Variants in JADE1 observed in about 807,000 individuals in gnomAD.
JADE1 encodes the protein jade family PHD finger 1.
Under a neutral mutation model 81.8 loss-of-function variants are expected in JADE1, and 14 were observed. The ratio of observed to expected loss-of-function variants is 0.17; its 90% CI spans 0.11 to 0.27. The LOEUF is 0.27. Ranked by LOEUF, JADE1 falls within the 10% of genes least tolerant of loss-of-function variation. The pLI is 1.00. For missense variants in JADE1, 690 were observed against 1,047.9 expected (o/e 0.66, Z 4.71); for synonymous variants, 353 against 391.9 (o/e 0.90, Z 1.17).
rs183337131 is a variant in JADE1, at chr4:128,854,869, C to T, written c.697-761C>T. 7.2e-3 allele frequency among the ~76,000 whole-genome samples: 1,103 copies of T among 152,204 alleles called. 9 individuals carry two copies. The highest frequency in any genetic ancestry group is 0.026 in the African/African-American group (1,059 of 41,518). ...ATAGCCTTGATTTCTGCAGTTTATG[C>T]CATCTTGTTTAATTTTGCCATCTTG... On this transcript the variant is annotated intron_variant, in intron 6 of 10. Transcript: ENST00000226319.
chr4:128,855,027 C>T (rs1016745954), intron 6 of JADE1, among the ~76,000 whole-genome samples: 1 of 151,658 alleles, frequency 6.6e-6, no homozygotes, highest in Non-Finnish European at 1.5e-5. Context: ...CTTTTTCTGC[C>T]CTGTTTTGTT....
intron 9 of JADE1, among the ~76,000 whole-genome samples, chr4:128,867,406 GT>G (rs1323454278): frequency 5.3e-5 from 8 of 152,216 alleles, no homozygotes. Context: ...TCAGAAGATA[GT>G]TGATAAAGTG....
intron 10 of JADE1, among the ~76,000 whole-genome samples, chr4:128,870,006 G>C (rs1366798132): frequency 1.3e-5 from 2 of 152,034 alleles, no homozygotes; most frequent in Non-Finnish European, 2.9e-5. Context: ...TTTGCTGAGA[G>C]TGTCCTCAGT....
At chr4:128,854,439 T>C (rs1730625240) in intron 6 of JADE1, among the ~76,000 whole-genome samples, 1 of 152,236 alleles carries the variant, frequency 6.6e-6, no homozygotes, top group Non-Finnish European at 1.5e-5. Context: ...TACAGACCTT[T>C]AGTGTTTTGA....
intron 1 of JADE1, among the ~76,000 whole-genome samples, chr4:128,820,144 C>CT (rs1727430441): frequency 6.7e-6 from 1 of 150,318 alleles, no homozygotes; most frequent in Non-Finnish European, 1.5e-5. Context: ...TGGAGTCTTG[C>CT]TTTGTCACCC....
In JADE1 at chr4:128,846,547, A is replaced by C. The variant is rs773296670; in HGVS notation, c.296+15A>C. On this transcript the variant is annotated intron_variant, in intron 4 of 10. Transcript: ENST00000226319. The surrounding 1 kb of genome is among the most constrained non-coding windows in gnomAD (Gnocchi z 4.0). ...CCTGTGGCCAGGTAGAGATGCCCTGAGGACAGAAGCCTCTCCACCCACCCT... is the reference window on the plus strand; with the variant it reads ...CCTGTGGCCAGGTAGAGATGCCCTGCGGACAGAAGCCTCTCCACCCACCCT... 2 of 1,613,588 alleles carry C rather than the reference A, an allele frequency of 1.2e-6. No homozygotes were observed. Among genetic ancestry groups the C allele is most frequent in the Non-Finnish European group, 1.7e-6 (2 of 1,179,782 alleles).
chr4:128,820,273 G>T (rs1727442622), intron 1 of JADE1, among the ~76,000 whole-genome samples: 1 of 152,050 alleles, frequency 6.6e-6, no homozygotes, highest in Admixed American at 6.6e-5. Flanking sequence ...CACCATGCCT[G>T]GCTAATTTTT....
intron 1 of JADE1, among the ~76,000 whole-genome samples, chr4:128,813,163 G>A (rs923049085): frequency 2.0e-5 from 3 of 152,168 alleles, no homozygotes; most frequent in Non-Finnish European, 4.4e-5. Context: ...GTTGCATTTT[G>A]ATCATATCAC....
chr4:128,830,566 T>C (rs987375296), intron 1 of JADE1, among the ~76,000 whole-genome samples: 5 of 152,232 alleles, frequency 3.3e-5, no homozygotes, highest in African/African-American at 9.6e-5. Context: ...ATCATACATA[T>C]TGTGATTCCC....
At chr4:128,831,322 C>T (rs1329752793) in intron 1 of JADE1, 2 of 160,570 alleles carry the variant, frequency 1.2e-5, no homozygotes, top group African/African-American at 4.8e-5. Context: ...CAGGCACAAC[C>T]CCACCCCACC....
intron 1 of JADE1, among the ~76,000 whole-genome samples, chr4:128,829,952 A>T (rs1023523513): frequency 5.9e-5 from 9 of 151,550 alleles, no homozygotes; most frequent in Non-Finnish European, 1.3e-4. Context: ...ATCTCCACTC[A>T]TTCCAACCTC....
rs1732163986 is a variant in JADE1, at chr4:128,871,162, G to T, written c.1622-193G>T. Among the ~76,000 whole-genome samples the T allele has an allele frequency of 6.6e-6, 1 of 152,188 alleles. No homozygotes were observed. The highest frequency in any genetic ancestry group is 1.5e-5 in the Non-Finnish European group (1 of 68,034). ...GAAAATGTGGCATATTGAGTCTGCA[G>T]ATTGAATGGAGATTCTCAAGGCAGG... On this transcript the variant is annotated intron_variant, in intron 10 of 10. Coordinates refer to ENST00000226319, the MANE Select transcript of JADE1 (RefSeq NM_199320.4). The surrounding 1 kb of genome is among the most constrained non-coding windows in gnomAD (Gnocchi z 4.1).
chr4:128,849,477 G>A (rs980976129), intron 5 of JADE1, among the ~76,000 whole-genome samples: 7 of 152,098 alleles, frequency 4.6e-5, no homozygotes, highest in Admixed American at 4.6e-4. Flanking sequence ...GTGACAAAAG[G>A]GCATGGCCCA....
At chr4:128,815,275 G>A (rs910463597) in intron 1 of JADE1, among the ~76,000 whole-genome samples, 2 of 151,606 alleles carry the variant, frequency 1.3e-5, no homozygotes, top group African/African-American at 4.9e-5. Flanking sequence ...TAATTTTTTT[G>A]TATTTTTATT....
At chr4:128,820,626 TG>T (rs1413428710) in intron 1 of JADE1, among the ~76,000 whole-genome samples, 1 of 152,178 alleles carries the variant, frequency 6.6e-6, no homozygotes, top group African/African-American at 2.4e-5. Context: ...ATTGTGTAAA[TG>T]TTGTTTTTGT....
At chr4:128,845,720 T>A (rs1474664020) in intron 3 of JADE1, among the ~76,000 whole-genome samples, 1 of 152,044 alleles carries the variant, frequency 6.6e-6, no homozygotes, top group East Asian at 1.9e-4. Context: ...CTCAATGGTT[T>A]GAGACCAGCC....
chr4:128,869,840 G>GGGT (rs1732057406), intron 10 of JADE1, among the ~76,000 whole-genome samples: 1 of 152,168 alleles, frequency 6.6e-6, no homozygotes. Flanking sequence ...AAACCCTTTA[G>GGGT]GGTGCTTTTT....
intron 1 of JADE1, among the ~76,000 whole-genome samples, chr4:128,828,966 C>G (rs1728302815): frequency 6.6e-6 from 1 of 152,130 alleles, no homozygotes; most frequent in Admixed American, 6.5e-5. Flanking sequence ...TTTTTTAGCA[C>G]TCTTTTGTAA....
intron 1 of JADE1, among the ~76,000 whole-genome samples, chr4:128,819,290 G>GA (rs1727338502): frequency 6.6e-6 from 1 of 151,492 alleles, no homozygotes; most frequent in African/African-American, 2.4e-5. Flanking sequence ...TTTTTTTTGG[G>GA]GGGCAGGCTC....
Sources: gnomAD v4.1 joint callset for allele counts (sites outside exome capture counted in the v4.1 genomes callset) on GRCh38, gnomAD v4.1.1 for gene constraint, Gnocchi (gnomAD v3.1) non-coding constraint, MANE v1.5 for transcripts, NCBI Gene and HGNC (gene_info 2026-07-23, HGNC 2026-07-21) for gene names.